Variants in DPP6 observed in about 807,000 individuals in gnomAD.
The protein encoded by DPP6 is A-type potassium channel modulatory protein DPP6.
DPP6 carries 69 observed loss-of-function variants against 122.6 expected under a neutral mutation model. The observed-to-expected ratio is 0.56, with a 90% CI of 0.46 to 0.69. The LOEUF is 0.69. DPP6 is among the 30% of genes least tolerant of loss of function. DPP6 has a pLI of 0.00. For synonymous variants in DPP6, 418 were observed against 433.1 expected, an observed-to-expected ratio of 0.97 and a Z score of 0.43; for missense variants, 928 against 1,116.9, an observed-to-expected ratio of 0.83 and a Z score of 2.41.
At chr7:154,548,641 C>T (rs759195622) in intron 4 of DPP6, among the ~76,000 whole-genome samples, 4 of 152,120 alleles carry the variant, frequency 2.6e-5, no homozygotes, top group African/African-American at 7.2e-5. Flanking sequence ...CTCCATCACA[C>T]GTATACTCTT....
chr7:153,808,639 C>T, the DPP6 span, among the ~76,000 whole-genome samples: 8 of 152,034 alleles, frequency 5.3e-5, no homozygotes, highest in African/African-American at 1.9e-4. Context: ...TTAGATTTCA[C>T]AAGTAAGTAA....
intron 7 of DPP6, among the ~76,000 whole-genome samples, chr7:154,706,146 G>A (rs935616709): frequency 2.0e-5 from 3 of 152,184 alleles, no homozygotes; most frequent in African/African-American, 7.2e-5. Flanking sequence ...GGAGTCAGGA[G>A]TGTAACTTCT....
At chr7:154,113,390 C>A (rs1441644012) in intron 1 of DPP6, among the ~76,000 whole-genome samples, 2 of 87,010 alleles carry the variant, frequency 2.3e-5, no homozygotes, top group African/African-American at 7.4e-5. Flanking sequence ...CATTTGTTTT[C>A]CTACATATAT....
chr7:154,031,455 C>G (rs988740918), intron 1 of DPP6, among the ~76,000 whole-genome samples: 9 of 151,732 alleles, frequency 5.9e-5, no homozygotes, highest in African/African-American at 1.7e-4. Flanking sequence ...TGTCTGTAGG[C>G]AAAATACACA....
intron 3 of DPP6, among the ~76,000 whole-genome samples, chr7:154,514,809 C>T (rs929210269): frequency 6.6e-6 from 1 of 152,138 alleles, no homozygotes; most frequent in Non-Finnish European, 1.5e-5. Context: ...TTGGATGGCG[C>T]CTACTTTTTG....
intron 4 of DPP6, among the ~76,000 whole-genome samples, chr7:154,551,397 A>T (rs983824965): frequency 2.0e-5 from 3 of 152,128 alleles, no homozygotes; most frequent in Non-Finnish European, 4.4e-5. Context: ...CAGATAGATG[A>T]TTGCTCTGAG....
chr7:154,556,773 G>C (rs1384305554), intron 4 of DPP6, among the ~76,000 whole-genome samples: 2 of 152,130 alleles, frequency 1.3e-5, no homozygotes, highest in East Asian at 3.8e-4. Flanking sequence ...ATCTACAACT[G>C]ATAAGGAATT....
intron 22 of DPP6, among the ~76,000 whole-genome samples, chr7:154,886,492 T>C (rs1238730132): frequency 6.6e-6 from 1 of 152,184 alleles, no homozygotes; most frequent in Non-Finnish European, 1.5e-5. Flanking sequence ...CCCAACCCTT[T>C]TTCTCTGAAC....
intron 8 of DPP6, among the ~76,000 whole-genome samples, chr7:154,762,995 G>T (rs1563183291): frequency 6.6e-6 from 1 of 152,230 alleles, no homozygotes; most frequent in Non-Finnish European, 1.5e-5. Flanking sequence ...AGTCGTGCTA[G>T]TTCCACATCG....
rs535680862 is a variant in DPP6 at position 153,965,575 on chromosome 7, C to T, written c.51+77841C>T. 5.4e-4 allele frequency among the ~76,000 whole-genome samples: 82 copies of T among 152,208 alleles called. No homozygotes were observed. The East Asian group carries it at 0.013, about 24-fold the overall frequency. ...TCCCCCAGGTTGGAGCACAGTGGCG[C>T]GATTTCAGCTCACTGCAAGCTCCAC... is the stretch of plus-strand genomic sequence containing the variant. On this transcript the variant is annotated intron_variant, in intron 1 of 25. Coordinates refer to the DPP6 transcript ENST00000404039.
At chr7:154,376,642 C>T (rs1295677097) in intron 1 of DPP6, among the ~76,000 whole-genome samples, 5 of 152,190 alleles carry the variant, frequency 3.3e-5, no homozygotes, top group Non-Finnish European at 7.3e-5. Flanking sequence ...AATGACCCCT[C>T]CTGGTTAATT....
intron 1 of DPP6, among the ~76,000 whole-genome samples, chr7:154,236,679 A>G (rs1294176319): frequency 6.6e-6 from 1 of 152,158 alleles, no homozygotes; most frequent in Non-Finnish European, 1.5e-5. Flanking sequence ...ACTCATGGAA[A>G]GCCTCAGCCT....
At chr7:153,889,167 G>A (rs774702298) in intron 1 of DPP6, among the ~76,000 whole-genome samples, 7 of 152,256 alleles carry the variant, frequency 4.6e-5, no homozygotes, top group Non-Finnish European at 1.0e-4. Context: ...CTCCCGAGAC[G>A]ACAAGCCCCC....
At chr7:154,874,156 C>T (rs73169075) in intron 19 of DPP6, among the ~76,000 whole-genome samples, 39,782 of 152,186 alleles carry the variant, frequency 0.26, 6,238 homozygotes, top group Non-Finnish European at 0.36. Context: ...ACACCACACA[C>T]GTTTCCTGCC....
intron 1 of DPP6, among the ~76,000 whole-genome samples, chr7:154,352,188 G>C (rs1330937504): frequency 6.6e-6 from 1 of 152,174 alleles, no homozygotes; most frequent in Non-Finnish European, 1.5e-5. Context: ...ACAAGGCCGG[G>C]CACGGTGGCT....
intron 1 of DPP6, among the ~76,000 whole-genome samples, chr7:154,098,328 G>A (rs567497090): frequency 6.6e-6 from 1 of 152,304 alleles, no homozygotes; most frequent in South Asian, 2.1e-4. Flanking sequence ...CCCCAGCCAT[G>A]CTGAACTGTG....
At chr7:154,022,767 C>A (rs927158914) in intron 1 of DPP6, among the ~76,000 whole-genome samples, 11 of 152,170 alleles carry the variant, frequency 7.2e-5, no homozygotes, top group Non-Finnish European at 1.6e-4. Flanking sequence ...AACTCACCAG[C>A]AGAGGTGGCC....
chr7:154,237,709 C>G (rs1017716720), intron 1 of DPP6, among the ~76,000 whole-genome samples: 2 of 152,192 alleles, frequency 1.3e-5, no homozygotes, highest in East Asian at 1.9e-4. Flanking sequence ...TTAATGTAGT[C>G]CTGGCCCAGC....
intron 1 of DPP6, among the ~76,000 whole-genome samples, chr7:154,070,962 G>T (rs1461654549): frequency 6.6e-6 from 1 of 152,138 alleles, no homozygotes; most frequent in Non-Finnish European, 1.5e-5. Flanking sequence ...GAGCAGGAAC[G>T]CTTGAATATA....
Sources: gnomAD v4.1 joint callset for allele counts (sites outside exome capture counted in the v4.1 genomes callset) on GRCh38, gnomAD v4.1.1 for gene constraint, MANE v1.5 for transcripts, NCBI Gene and HGNC (gene_info 2026-07-23, HGNC 2026-07-21) for gene names.